MTMR2: variants seen among roughly 807,000 people sequenced by gnomAD.
MTMR2 encodes the protein phosphatidylinositol-3,5-bisphosphate 3-phosphatase MTMR2.
MTMR2 carries 55 observed loss-of-function variants against 86.9 expected under a neutral mutation model. The observed-to-expected ratio is 0.63, with a 90% CI of 0.51 to 0.79. The LOEUF (loss-of-function observed/expected upper bound fraction) is 0.79. MTMR2 is among the 30% of genes least tolerant of loss of function. The pLI is 0.00. For missense variants in MTMR2, 659 were observed against 772.3 expected (o/e 0.85, Z 1.74); for synonymous variants, 241 against 266.8 (o/e 0.90, Z 0.94).
In MTMR2 at chr11:95,862,032, C is replaced by T; in HGVS notation, c.428G>A (p.Ser143Asn). 1.2e-6 allele frequency: 2 copies of T among 1,613,858 alleles called. No homozygotes were observed. The highest frequency in any genetic ancestry group is 4.5e-5 in the East Asian group (2 of 44,820). Residue 143 changes from serine to asparagine, a missense_variant, in exon 5 of 15, where the codon AGT (serine) becomes AAT (asparagine). By Grantham distance (46) the Ser-to-Asn change is conservative. Transcript: ENST00000346299. Reference protein sequence around the residue: ...NRVEKIGGASSRGENSYGLET... With the variant: ...NRVEKIGGASNRGENSYGLET... ...TAGTCCATAAGAATTTTCACCTCGA[C>T]TAGAAGCACCACCAATTTTTTCTAC...
chr11:95,907,818 T>C (rs1019459904), intron 1 of MTMR2: 4 of 399,712 alleles, frequency 1.0e-5, no homozygotes, highest in Non-Finnish European at 1.9e-5. Flanking sequence ...CAATAACGCT[T>C]CATGTTAAAA....
chr11:95,869,286 G>T (rs187972633), intron 2 of MTMR2, among the ~76,000 whole-genome samples: 134 of 151,784 alleles, frequency 8.8e-4, no homozygotes, highest in African/African-American at 3.2e-3. Context: ...TTCAACTTAT[G>T]GTATTTTCAA....
Position 95,835,068 on chromosome 11 carries a change from C to G in MTMR2, c.*222G>C. 1 of 547,876 alleles carries G rather than the reference C, an allele frequency of 1.8e-6. No homozygotes were observed. Among genetic ancestry groups the G allele is most frequent in the Non-Finnish European group, 3.3e-6 (1 of 305,458 alleles). 33.9% of individuals were successfully genotyped at this position (547,876 alleles called of 1,614,324 possible). The stretch of plus-strand genomic sequence containing the variant: ...GAAGTATTTTAATATTCTTTGGATA[C>G]TTAAAAGATTAGTATCATAATCATG... On this transcript the variant is annotated 3_prime_UTR_variant, in exon 15 of 15. Transcript: ENST00000346299.
At chr11:95,873,894 G>T (rs1336395828) in intron 2 of MTMR2, among the ~76,000 whole-genome samples, 1 of 152,192 alleles carries the variant, frequency 6.6e-6, no homozygotes, top group African/African-American at 2.4e-5. Flanking sequence ...TTTCCATGTA[G>T]TTGAGTGGTT....
intron 2 of MTMR2, among the ~76,000 whole-genome samples, chr11:95,875,210 C>A (rs1214764533): frequency 6.6e-6 from 1 of 152,206 alleles, no homozygotes; most frequent in Non-Finnish European, 1.5e-5. Flanking sequence ...TGGTTCCATT[C>A]TCCCCGTCAC....
chr11:95,856,960 C>A (rs1864237350), intron 7 of MTMR2, among the ~76,000 whole-genome samples: 1 of 152,090 alleles, frequency 6.6e-6, no homozygotes, highest in African/African-American at 2.4e-5. Context: ...TATTCTATTT[C>A]ATATTTTGCC....
intron 1 of MTMR2, among the ~76,000 whole-genome samples, chr11:95,891,659 G>A (rs1245881384): frequency 6.6e-6 from 1 of 152,136 alleles, no homozygotes; most frequent in Non-Finnish European, 1.5e-5. Flanking sequence ...AACATAGGTA[G>A]ATATTATGAT....
rs1252554681 is a variant in MTMR2, at chr11:95,849,571, T to A, written c.993+103A>T. ...TGAAGAGCCAAGACAAGAACCTATA[T>A]GTTTACCACTGTAGAGCCTGAGCTC... On this transcript the variant is annotated intron_variant, in intron 9 of 14. Coordinates refer to ENST00000346299, the MANE Select transcript of MTMR2 (RefSeq NM_016156.6). 9 of 1,033,892 alleles carry A rather than the reference T, an allele frequency of 8.7e-6. No homozygotes were observed. The East Asian group carries it at 2.1e-4, about 24-fold the overall frequency. 64.0% of individuals were successfully genotyped at this position (1,033,892 alleles called of 1,614,324 possible).
chr11:95,914,872 C>T (rs560064003), intron 1 of MTMR2, among the ~76,000 whole-genome samples: 124 of 152,220 alleles, frequency 8.1e-4, no homozygotes, highest in African/African-American at 2.8e-3. Context: ...TCTAATCTTC[C>T]GTTTTCTTCT....
intron 1 of MTMR2, among the ~76,000 whole-genome samples, chr11:95,892,701 CATT>C (rs1865754688): frequency 6.6e-6 from 1 of 152,168 alleles, no homozygotes; most frequent in Non-Finnish European, 1.5e-5. Flanking sequence ...CGCATATGTT[CATT>C]ACCATATTAC....
chr11:95,835,094 T>G lies in MTMR2; in HGVS notation c.*196A>C. 1.7e-6 allele frequency: 1 copy of G among 591,732 alleles called. No individual in the cohort carries two copies. The highest frequency in any genetic ancestry group is 3.0e-6 in the Non-Finnish European group (1 of 332,164). 36.7% of individuals were successfully genotyped at this position (591,732 alleles called of 1,614,324 possible). A position where few individuals can be genotyped will look rare whatever the true frequency, so the allele number is the denominator to read the frequency against. Reference sequence around the variant, plus strand: ...TTAAAAGATTAGTATCATAATCATGTAATTACATATGGAGTTACTTCACTT... The same window carrying G: ...TTAAAAGATTAGTATCATAATCATGGAATTACATATGGAGTTACTTCACTT... On this transcript the variant is annotated 3_prime_UTR_variant, in exon 15 of 15. Transcript: ENST00000346299.
At chr11:95,851,020 G>A (rs1050239957) in intron 7 of MTMR2, among the ~76,000 whole-genome samples, 4 of 136,154 alleles carry the variant, frequency 2.9e-5, no homozygotes, top group Non-Finnish European at 6.9e-5. Context: ...AGCATATTCA[G>A]GAGGTGGAAG....
intron 1 of MTMR2, chr11:95,907,829 A>G: frequency 2.4e-6 from 1 of 420,734 alleles, no homozygotes; most frequent in Non-Finnish European, 4.7e-6. Context: ...CATGTTAAAA[A>G]CCTTCCACAA....
At chr11:95,919,722 T>C (rs1866843265) in intron 1 of MTMR2, among the ~76,000 whole-genome samples, 1 of 152,182 alleles carries the variant, frequency 6.6e-6, no homozygotes, top group Non-Finnish European at 1.5e-5. Flanking sequence ...AGACCTGAAA[T>C]TGCAAGTGTT....
At chr11:95,900,704 GGTGT>G (rs754366022) in intron 1 of MTMR2, among the ~76,000 whole-genome samples, 1 of 151,894 alleles carries the variant, frequency 6.6e-6, no homozygotes, top group Admixed American at 6.6e-5. Context: ...CTTTGGGAGA[GGTGT>G]GTGTGTGTGC....
chr11:95,913,607 A>G (rs1463615446), intron 1 of MTMR2, among the ~76,000 whole-genome samples: 1 of 152,134 alleles, frequency 6.6e-6, no homozygotes, highest in African/African-American at 2.4e-5. Flanking sequence ...AAAAACACTA[A>G]TTGGTTGATC....
intron 2 of MTMR2, among the ~76,000 whole-genome samples, chr11:95,875,054 G>A (rs1865051787): frequency 6.6e-6 from 1 of 152,080 alleles, no homozygotes; most frequent in South Asian, 2.1e-4. Flanking sequence ...CAACTTTGGT[G>A]AATCTGACAA....
intron 1 of MTMR2, among the ~76,000 whole-genome samples, chr11:95,897,536 C>T (rs1336756296): frequency 6.6e-6 from 1 of 152,074 alleles, no homozygotes; most frequent in African/African-American, 2.4e-5. Flanking sequence ...TTCAGGAGCT[C>T]TGGACTATCA....
intron 2 of MTMR2, among the ~76,000 whole-genome samples, chr11:95,881,632 A>C (rs1437332482): frequency 1.3e-5 from 2 of 152,022 alleles, no homozygotes; most frequent in African/African-American, 4.8e-5. Context: ...ACATTTTCTA[A>C]ACATTTTTGC....
Sources: allele counts gnomAD v4.1 joint callset (sites outside exome capture counted in the v4.1 genomes callset), GRCh38; gene constraint gnomAD v4.1.1; transcripts MANE v1.5; gene names NCBI Gene and HGNC (gene_info 2026-07-23, HGNC 2026-07-21).